Variants in CLYBL observed in about 807,000 individuals in gnomAD.
CLYBL encodes the protein citramalyl-CoA lyase.
A neutral mutation model predicts 38.9 loss-of-function variants in CLYBL; 31 were observed. That is an observed-to-expected ratio of 0.80 (90% CI 0.60 to 1.08). CLYBL has a LOEUF of 1.08. CLYBL is among the 50% of genes least tolerant of loss of function. The pLI, the probability that CLYBL is intolerant of heterozygous loss-of-function variation, is 0.00. For missense variants in CLYBL, 434 were observed against 411.6 expected, an observed-to-expected ratio of 1.05 and a Z score of -0.47; for synonymous variants, 171 against 158.6, an observed-to-expected ratio of 1.08 and a Z score of -0.59.
In CLYBL at chr13:99,753,691, T is replaced by G. The variant is rs188285973; in HGVS notation, c.63-19133T>G. On this transcript the variant is annotated intron_variant, in intron 1 of 8. Transcript: ENST00000339105. ...ATTTTAGTGGCAATCTCTTTTTAACTTCATTTTGAATTTAAAGAGTGATGT... is the reference window on the plus strand; with the variant it reads ...ATTTTAGTGGCAATCTCTTTTTAACGTCATTTTGAATTTAAAGAGTGATGT... 2.0e-5 allele frequency among the ~76,000 whole-genome samples: 3 copies of G among 152,330 alleles called. No homozygotes were observed. The East Asian group carries it at 5.8e-4, about 29-fold the overall frequency.
At chr13:99,763,800 G>A (rs916313719) in intron 1 of CLYBL, among the ~76,000 whole-genome samples, 12 of 151,982 alleles carry the variant, frequency 7.9e-5, no homozygotes, top group African/African-American at 1.4e-4. Context: ...TGATCTGCCC[G>A]CCTTAGCCTC....
chr13:99,895,735 C>G (rs1420832971), downstream of CLYBL: 1 of 152,326 alleles, frequency 6.6e-6, no homozygotes, highest in Admixed American at 6.5e-5. Flanking sequence ...GAATTGCCCA[C>G]GACGTAAAGA....
chr13:99,756,333 G>A (rs900790579), intron 1 of CLYBL, among the ~76,000 whole-genome samples: 22 of 152,294 alleles, frequency 1.4e-4, no homozygotes, highest in African/African-American at 5.1e-4. Flanking sequence ...TTTGGGATCG[G>A]TAAGACACCT....
In CLYBL at chr13:99,833,850, C is replaced by T. The variant is rs183560213; in HGVS notation, c.250-25011C>T. On this transcript the variant is annotated intron_variant, in intron 2 of 8. Coordinates refer to ENST00000339105, the MANE Select transcript of CLYBL (RefSeq NM_206808.5). ...CCCGAATAGCTGGGATTCAGGCACACACCACCACACCCAGCTAATTTTTGA... is the reference window on the plus strand; with the variant it reads ...CCCGAATAGCTGGGATTCAGGCACATACCACCACACCCAGCTAATTTTTGA... Among the ~76,000 whole-genome samples the T allele has an allele frequency of 2.7e-3, 417 of 151,930 alleles. 1 individual carries two copies. Among genetic ancestry groups the T allele is most frequent in the African/African-American group, 9.6e-3 (397 of 41,400 alleles).
exon 10 of CLYBL, among the ~76,000 whole-genome samples, chr13:99,908,241 T>C (rs1369055693): frequency 6.6e-6 from 1 of 152,146 alleles, no homozygotes; most frequent in African/African-American, 2.4e-5. Flanking sequence ...CTCTCAGAAC[T>C]CCCTTCCCTC....
intron 1 of CLYBL, among the ~76,000 whole-genome samples, chr13:99,630,274 C>G (rs1412627330): frequency 1.3e-5 from 2 of 152,172 alleles, no homozygotes; most frequent in Non-Finnish European, 2.9e-5. Context: ...TCAAATGCCT[C>G]TTTCAAATCC....
intron 1 of CLYBL, among the ~76,000 whole-genome samples, chr13:99,713,546 G>T (rs959178308): frequency 2.6e-5 from 4 of 151,782 alleles, no homozygotes; most frequent in Non-Finnish European, 4.4e-5. Flanking sequence ...CACCATGTTA[G>T]CTGGGCTGAT....
intron 7 of CLYBL, among the ~76,000 whole-genome samples, chr13:99,880,369 C>T (rs1207143243): frequency 6.6e-6 from 1 of 152,136 alleles, no homozygotes; most frequent in African/African-American, 2.4e-5. Flanking sequence ...CTGGCCCTTG[C>T]ATATATTACT....
At chr13:99,645,641 G>T (rs2047166517) in intron 1 of CLYBL, among the ~76,000 whole-genome samples, 1 of 151,808 alleles carries the variant, frequency 6.6e-6, no homozygotes, top group African/African-American at 2.4e-5. Context: ...AGAAATATCT[G>T]TTCAGATCTT....
At chr13:99,729,047 G>A (rs1201807005) in intron 1 of CLYBL, among the ~76,000 whole-genome samples, 7 of 152,242 alleles carry the variant, frequency 4.6e-5, no homozygotes, top group Admixed American at 2.0e-4. Flanking sequence ...ACCAGAGAAA[G>A]CAGAATGGCC....
At chr13:99,724,535 G>GAA (rs200553773) in intron 1 of CLYBL, among the ~76,000 whole-genome samples, 2 of 140,172 alleles carry the variant, frequency 1.4e-5, no homozygotes, top group Middle Eastern at 3.6e-3. Context: ...TGGAGAAGAT[G>GAA]AAAAAAAAAA....
At chr13:99,614,047 A>G (rs1440234033) in intron 1 of CLYBL, among the ~76,000 whole-genome samples, 1 of 152,156 alleles carries the variant, frequency 6.6e-6, no homozygotes, top group Non-Finnish European at 1.5e-5. Context: ...CATTCACCAT[A>G]GAGGTGGAGA....
intron 1 of CLYBL, among the ~76,000 whole-genome samples, chr13:99,764,860 T>C (rs1272301794): frequency 2.6e-5 from 4 of 151,790 alleles, no homozygotes; most frequent in African/African-American, 9.7e-5. Context: ...TTTTTTTTTT[T>C]TTTAAAGATG....
intron 1 of CLYBL, among the ~76,000 whole-genome samples, chr13:99,759,016 C>T (rs1293002936): frequency 6.6e-6 from 1 of 152,208 alleles, no homozygotes; most frequent in African/African-American, 2.4e-5. Context: ...CTGGGCCAGT[C>T]ATGCTCTACA....
intron 1 of CLYBL, among the ~76,000 whole-genome samples, chr13:99,729,036 A>G (rs1437233255): frequency 1.3e-5 from 2 of 152,224 alleles, no homozygotes; most frequent in African/African-American, 2.4e-5. Flanking sequence ...TTGCTATGGG[A>G]ACCAGAGAAA....
At chr13:99,804,646 A>G (rs2050196757) in intron 2 of CLYBL, among the ~76,000 whole-genome samples, 1 of 152,134 alleles carries the variant, frequency 6.6e-6, no homozygotes, top group African/African-American at 2.4e-5. Flanking sequence ...TCTTTCAACT[A>G]AGGCATCACC....
chr13:99,693,107 T>C (rs1051980112), intron 1 of CLYBL, among the ~76,000 whole-genome samples: 4 of 152,232 alleles, frequency 2.6e-5, no homozygotes, highest in African/African-American at 9.7e-5. Flanking sequence ...CTGGGTCTTA[T>C]GGTAACTATG....
intron 1 of CLYBL, among the ~76,000 whole-genome samples, chr13:99,731,492 G>C (rs977251633): frequency 1.0e-4 from 12 of 120,552 alleles, no homozygotes; most frequent in African/African-American, 4.2e-4. Flanking sequence ...AAAGACTGCA[G>C]CTGCTTATAT....
intron 1 of CLYBL, among the ~76,000 whole-genome samples, chr13:99,701,842 T>G (rs2048071621): frequency 6.6e-6 from 1 of 152,014 alleles, no homozygotes; most frequent in Non-Finnish European, 1.5e-5. Flanking sequence ...GCACGGCTAA[T>G]TTTTGTATTA....
Sources: gnomAD v4.1 joint callset for allele counts (sites outside exome capture counted in the v4.1 genomes callset) on GRCh38, gnomAD v4.1.1 for gene constraint, MANE v1.5 for transcripts, NCBI Gene and HGNC (gene_info 2026-07-23, HGNC 2026-07-21) for gene names.